Variants in SNX27 observed in about 807,000 individuals in gnomAD.
SNX27 encodes the protein sorting nexin 27.
A neutral mutation model predicts 71.6 loss-of-function variants in SNX27; 22 were observed. That is an observed-to-expected ratio of 0.31 (90% CI 0.22 to 0.44). The LOEUF is 0.44. Among genes scored for constraint, SNX27 ranks in the 20% least tolerant of loss-of-function variants. SNX27 has a pLI of 1.00. For synonymous variants in SNX27, 269 were observed against 277.2 expected (o/e 0.97, Z 0.29); for missense variants, 531 against 698.6 (o/e 0.76, Z 2.70).
At chr1:151,642,725 G>A (rs1016336067) in intron 2 of SNX27, among the ~76,000 whole-genome samples, 5 of 151,878 alleles carry the variant, frequency 3.3e-5, no homozygotes, top group Non-Finnish European at 7.4e-5. Context: ...TGCAAGCTCC[G>A]CCTCCATGGT....
At chr1:151,617,698 A>G (rs1425761873) in intron 1 of SNX27, among the ~76,000 whole-genome samples, 2 of 152,196 alleles carry the variant, frequency 1.3e-5, no homozygotes, top group Non-Finnish European at 2.9e-5. Flanking sequence ...ATCCCTAGCC[A>G]AATGTCTGGT....
chr1:151,687,964 C>A (rs1222015696), intron 8 of SNX27, among the ~76,000 whole-genome samples: 7 of 139,560 alleles, frequency 5.0e-5, no homozygotes, highest in African/African-American at 7.7e-5. Flanking sequence ...AAAAAAACAA[C>A]GAAAAACAAA....
chr1:151,645,942 G>A (rs1437717611), intron 2 of SNX27, among the ~76,000 whole-genome samples: 2 of 152,170 alleles, frequency 1.3e-5, no homozygotes, highest in Non-Finnish European at 2.9e-5. Flanking sequence ...TACAGCAGAA[G>A]GGTTGGTCTA....
intron 2 of SNX27, among the ~76,000 whole-genome samples, chr1:151,657,751 C>T (rs1375486754): frequency 6.6e-6 from 1 of 152,062 alleles, no homozygotes; most frequent in Non-Finnish European, 1.5e-5. Flanking sequence ...ACTCCTCCTG[C>T]TGGGTGCGGT....
At chr1:151,635,972 A>C (rs538656327) in intron 1 of SNX27, among the ~76,000 whole-genome samples, 9 of 152,196 alleles carry the variant, frequency 5.9e-5, no homozygotes, top group Non-Finnish European at 1.3e-4. Context: ...TTTGATTTGA[A>C]AACTGAATGG....
intron 4 of SNX27, 30 bp from the exon 5 acceptor site, chr1:151,662,136 T>C: frequency 2.0e-6 from 3 of 1,519,556 alleles, no homozygotes; most frequent in East Asian, 2.3e-5. Context: ...TACTGGGCCA[T>C]AAATTATTTC....
intron 8 of SNX27, among the ~76,000 whole-genome samples, chr1:151,688,018 A>G (rs1324832660): frequency 1.3e-5 from 2 of 151,730 alleles, no homozygotes; most frequent in Admixed American, 1.3e-4. Flanking sequence ...CTTGCTGAAT[A>G]TTGAACATTT....
At chr1:151,660,529 C>G in intron 3 of SNX27, 1 of 339,448 alleles carries the variant, frequency 2.9e-6, no homozygotes, top group East Asian at 5.4e-5. Flanking sequence ...ATTTACGGAA[C>G]TTTTATTTCT....
chr1:151,636,375 A>AC (rs1478483720), intron 1 of SNX27, among the ~76,000 whole-genome samples: 1 of 152,126 alleles, frequency 6.6e-6, no homozygotes, highest in African/African-American at 2.4e-5. Context: ...GATCTAGCTC[A>AC]CTGCAGCCTT....
At chr1:151,651,288 C>T (rs1182303585) in intron 2 of SNX27, among the ~76,000 whole-genome samples, 1 of 151,142 alleles carries the variant, frequency 6.6e-6, no homozygotes, top group African/African-American at 2.4e-5. Context: ...GGCTGACCCC[C>T]CTACCTCCCT....
rs567208173 is a variant in SNX27, at chr1:151,612,258, TGGC to T, written c.69_71del (p.Gly25del). The T allele has an allele frequency of 6.0e-5, 86 of 1,439,662 alleles. No individual in the cohort carries two copies. The highest frequency in any genetic ancestry group is 3.2e-4 in the South Asian group (22 of 69,476). The allele number at this position is 1,439,662 out of a possible 1,614,324, so 89.2% of individuals were successfully genotyped here. On this transcript the variant is annotated inframe_deletion, in exon 1 of 12. Transcript: ENST00000458013. The surrounding 1 kb of genome is among the most constrained non-coding windows in gnomAD (Gnocchi z 5.2). Reference sequence around the variant, plus strand: ...CCTCAGCCCCTCACAGGAACGGAGGTGGCGGCGGCGGCGGGGGGTCTGGGCTCC... The same window carrying T: ...CCTCAGCCCCTCACAGGAACGGAGGTGGCGGCGGCGGGGGGTCTGGGCTCC...
intron 2 of SNX27, 148 bp from the exon 3 acceptor site, chr1:151,658,087 T>TTTACTTTTGTCA (rs1669783391): frequency 3.2e-6 from 2 of 633,878 alleles, no homozygotes; most frequent in Admixed American, 7.1e-5. Flanking sequence ...TTGTCAAAAG[T>TTTACTTTTGTCA]AAGTCTTACT....
At chr1:151,656,300 G>A (rs1669691406) in intron 2 of SNX27, among the ~76,000 whole-genome samples, 1 of 150,800 alleles carries the variant, frequency 6.6e-6, no homozygotes, top group Non-Finnish European at 1.5e-5. Context: ...AACAGATTAT[G>A]TCAATATATA....
intron 1 of SNX27, among the ~76,000 whole-genome samples, chr1:151,626,527 C>T (rs1233471045): frequency 3.3e-5 from 5 of 152,014 alleles, no homozygotes; most frequent in African/African-American, 9.7e-5. Context: ...CATGGAGAAA[C>T]CTGTCTCTAC....
chr1:151,694,248 A>G (rs1354776226), intron 11 of SNX27, 122 bp from the exon 12 acceptor site: 19 of 1,481,602 alleles, frequency 1.3e-5, no homozygotes, highest in Non-Finnish European at 1.5e-5. Flanking sequence ...AGTTATATCA[A>G]GAAAGATGTG....
chr1:151,658,586 A>G (rs555012613), intron 3 of SNX27, among the ~76,000 whole-genome samples, 159 bp downstream of exon 3: 6 of 152,240 alleles, frequency 3.9e-5, no homozygotes, highest in Non-Finnish European at 7.3e-5. Flanking sequence ...CAAAACTGAA[A>G]TGTCCAGTAC....
chr1:151,618,150 G>A (rs1336681802), intron 1 of SNX27, among the ~76,000 whole-genome samples: 1 of 151,874 alleles, frequency 6.6e-6, no homozygotes, highest in Non-Finnish European at 1.5e-5. Context: ...GCAGGCTTGA[G>A]CACCTGGCTG....
intron 2 of SNX27, among the ~76,000 whole-genome samples, chr1:151,657,227 G>A (rs1669737597): frequency 6.6e-6 from 1 of 152,200 alleles, no homozygotes; most frequent in Non-Finnish European, 1.5e-5. Flanking sequence ...AGGCTGGAGT[G>A]TAGTGGCAGG....
At position 151,660,841 on chromosome 1, in the gene SNX27, A is replaced by G. The variant is rs1219575134; in HGVS notation, c.780A>G (p.Glu260=). 1 of 1,612,420 alleles carries G rather than the reference A, an allele frequency of 6.2e-7. No homozygotes were observed. Among genetic ancestry groups the G allele is most frequent in the East Asian group, 2.2e-5 (1 of 44,802 alleles). The change falls in exon 4 of 12, where the codon GAA becomes GAG. Residue 260 remains glutamate (E), a synonymous_variant. Transcript: ENST00000458013. The stretch of plus-strand genomic sequence containing the variant: ...TTGGTGAGAGTGACATCATGCAGGA[A>G]TTCCTATCAGAATCCGATGAGGTAG... ...RVIGESDIMQ[E]FLSESDENYN...
Sources: gnomAD v4.1 joint callset for allele counts (sites outside exome capture counted in the v4.1 genomes callset) on GRCh38, gnomAD v4.1.1 for gene constraint, Gnocchi (gnomAD v3.1) non-coding constraint, MANE v1.5 for transcripts, NCBI Gene and HGNC (gene_info 2026-07-23, HGNC 2026-07-21) for gene names.